The following INTS4 variants were observed in gnomAD, a reference collection of about 807,000 sequenced individuals.
INTS4 encodes MSTP093.
Under a neutral mutation model 119.5 loss-of-function variants are expected in INTS4, and 70 were observed. That is an observed-to-expected ratio of 0.59 (90% CI 0.48 to 0.71). The LOEUF is 0.71. Among genes scored for constraint, INTS4 ranks in the 30% least tolerant of loss-of-function variants. The pLI, the probability that INTS4 is intolerant of heterozygous loss-of-function variation, is 0.00. For missense variants in INTS4, 867 were observed against 1,173.2 expected, an observed-to-expected ratio of 0.74 and a Z score of 3.81; for synonymous variants, 316 against 419.6, an observed-to-expected ratio of 0.75 and a Z score of 3.02.
chr11:77,876,042 G>A (rs1301948408), downstream of INTS4, among the ~76,000 whole-genome samples: 1 of 152,142 alleles, frequency 6.6e-6, no homozygotes, highest in Non-Finnish European at 1.5e-5. Flanking sequence ...GGTCAGATCA[G>A]CTCATCACTT....
At chr11:77,968,611 C>T (rs1715030423) in intron 4 of INTS4, among the ~76,000 whole-genome samples, 1 of 152,116 alleles carries the variant, frequency 6.6e-6, no homozygotes, top group African/African-American at 2.4e-5. Flanking sequence ...CTTAATGCCA[C>T]TAAACAATAT....
chr11:77,959,229 T>G (rs1258158262), intron 6 of INTS4, among the ~76,000 whole-genome samples: 1 of 152,224 alleles, frequency 6.6e-6, no homozygotes, highest in Admixed American at 6.5e-5. Flanking sequence ...GGCCTCTGTT[T>G]CAATCCACTC....
chr11:77,992,375 G>C (rs1013070829), intron 1 of INTS4, among the ~76,000 whole-genome samples: 1 of 151,990 alleles, frequency 6.6e-6, no homozygotes, highest in Non-Finnish European at 1.5e-5. Context: ...TGGGCGAAAA[G>C]AGCGAAACTC....
At chr11:77,915,558 C>A (rs1953186724) in intron 15 of INTS4, among the ~76,000 whole-genome samples, 1 of 152,140 alleles carries the variant, frequency 6.6e-6, no homozygotes, top group Non-Finnish European at 1.5e-5. Flanking sequence ...CCCAGGGGAG[C>A]CCAGGACACC....
At chr11:77,986,384 T>G (rs538390132) in intron 2 of INTS4, among the ~76,000 whole-genome samples, 20 of 152,182 alleles carry the variant, frequency 1.3e-4, no homozygotes, top group Non-Finnish European at 2.8e-4. Context: ...ACTTTTACAC[T>G]GTTGGGAGTG....
chr11:77,899,399 C>T (rs1258289188), intron 18 of INTS4, among the ~76,000 whole-genome samples: 14 of 152,032 alleles, frequency 9.2e-5, no homozygotes, highest in Admixed American at 2.0e-4. Flanking sequence ...AGGCTGGGCT[C>T]GGTGGCTCAC....
At position 77,918,949 on chromosome 11, in the gene INTS4, A is replaced by G; in HGVS notation, c.1794T>C (p.Ala598=). Reference sequence around the variant, plus strand: ...CTTGAGGTATGATGCTGGGAGAAACAGCTGATGACACCAGTTTTCTACCTG... The same window carrying G: ...CTTGAGGTATGATGCTGGGAGAAACGGCTGATGACACCAGTTTTCTACCTG... ...RLPGRKLVSS[A]VSPSIIPQED... The change falls in exon 15 of 23, where the codon GCT becomes GCC. Residue 598 remains alanine (A), a synonymous_variant. Coordinates refer to ENST00000534064, the MANE Select transcript of INTS4 (RefSeq NM_033547.4). 6.2e-7 allele frequency: 1 copy of G among 1,613,964 alleles called. No individual in the cohort carries two copies. Among genetic ancestry groups the G allele is most frequent in the Non-Finnish European group, 8.5e-7 (1 of 1,179,864 alleles).
chr11:77,919,361 A>C (rs1233019631), intron 14 of INTS4, among the ~76,000 whole-genome samples: 1 of 151,950 alleles, frequency 6.6e-6, no homozygotes, highest in East Asian at 1.9e-4. Flanking sequence ...ATCTCGGCTC[A>C]CTGCAACCTC....
intron 21 of INTS4, among the ~76,000 whole-genome samples, chr11:77,886,885 A>G (rs896169141): frequency 6.6e-6 from 1 of 152,156 alleles, no homozygotes; most frequent in Admixed American, 6.5e-5. Context: ...ACATAAAGAT[A>G]TTCTTTGAAA....
At chr11:77,957,535 G>C (rs1470173680) in intron 7 of INTS4, among the ~76,000 whole-genome samples, 1 of 150,352 alleles carries the variant, frequency 6.7e-6, no homozygotes, top group South Asian at 2.1e-4. Context: ...GGGCCACAGA[G>C]CAAGACCCTG....
intron 8 of INTS4, among the ~76,000 whole-genome samples, chr11:77,950,274 G>C (rs990956378): frequency 6.6e-6 from 1 of 152,038 alleles, no homozygotes; most frequent in African/African-American, 2.4e-5. Context: ...TAGATGATAG[G>C]TTGACGGGTG....
intron 8 of INTS4, among the ~76,000 whole-genome samples, chr11:77,949,772 G>A (rs894402952): frequency 2.0e-5 from 3 of 152,216 alleles, no homozygotes; most frequent in African/African-American, 7.2e-5. Context: ...GTTGGTGGGA[G>A]TGTAAATTAG....
rs189357813 is a variant in INTS4 at position 77,940,393 on chromosome 11, T to C, written c.990+787A>G. Among the ~76,000 whole-genome samples the C allele has an allele frequency of 2.3e-3, 347 of 152,180 alleles. 2 individuals are homozygous for C. Among genetic ancestry groups the C allele is most frequent in the African/African-American group, 8.2e-3 (339 of 41,516 alleles). ...TTGCATTGAGTAATGATTGTGCCAC[T>C]GCATTTCAGCCTGGGCAATAGAGTG... On this transcript the variant is annotated intron_variant, in intron 9 of 22. Coordinates refer to ENST00000534064, the MANE Select transcript of INTS4 (RefSeq NM_033547.4).
intron 1 of INTS4, 30 bp downstream of exon 1, chr11:77,994,560 C>G: frequency 1.3e-6 from 2 of 1,535,436 alleles, no homozygotes; most frequent in Non-Finnish European, 1.8e-6. Flanking sequence ...TGGTCCGGAT[C>G]GGTTCTGGAT....
At position 77,903,570 on chromosome 11, in the gene INTS4, C is replaced by G; in HGVS notation, c.2067G>C (p.Gln689His). The G allele has an allele frequency of 6.2e-7, 1 of 1,613,950 alleles. No homozygotes were observed. The highest frequency in any genetic ancestry group is 1.1e-5 in the South Asian group (1 of 91,064). Residue 689 changes from glutamine (Q) to histidine (H), a missense_variant, in exon 17 of 23, where the codon CAG (glutamine) becomes CAC (histidine). By Grantham distance (24) the Gln-to-His change is conservative. Coordinates refer to ENST00000534064, the MANE Select transcript of INTS4 (RefSeq NM_033547.4). The part of the protein sequence containing the change: ...WNVAAPLYLK[Q>H]SDLASAAAKQ... ...TCGCTGCTGCTGAGGCCAAATCACT[C>G]TGCTTCAAATACAAAGGGGCAGCTA...
chr11:77,977,118 T>C (rs1224719111), intron 4 of INTS4, among the ~76,000 whole-genome samples: 5 of 151,648 alleles, frequency 3.3e-5, no homozygotes, highest in Non-Finnish European at 7.4e-5. Flanking sequence ...AAAATAAAAA[T>C]AAATAAATTC....
At chr11:77,937,324 T>C (rs1953821957) in intron 10 of INTS4, among the ~76,000 whole-genome samples, 1 of 152,168 alleles carries the variant, frequency 6.6e-6, no homozygotes, top group African/African-American at 2.4e-5. Flanking sequence ...CATAATCAAA[T>C]TGCTTAAAAC....
At chr11:77,957,354 G>T (rs995924149) in intron 7 of INTS4, among the ~76,000 whole-genome samples, 4 of 151,966 alleles carry the variant, frequency 2.6e-5, no homozygotes, top group African/African-American at 9.7e-5. Context: ...TTCAAGACCA[G>T]CCTACCCAAC....
intron 4 of INTS4, among the ~76,000 whole-genome samples, chr11:77,962,607 C>T (rs1411830314): frequency 6.6e-6 from 1 of 151,898 alleles, no homozygotes; most frequent in Non-Finnish European, 1.5e-5. Flanking sequence ...GTAAGAAACA[C>T]ATAATATTGC....
Sources: gnomAD v4.1 joint callset for allele counts (sites outside exome capture counted in the v4.1 genomes callset) on GRCh38, gnomAD v4.1.1 for gene constraint, MANE v1.5 for transcripts, NCBI Gene and HGNC (gene_info 2026-07-23, HGNC 2026-07-21) for gene names.